KLHL1: variants seen among roughly 807,000 people sequenced by gnomAD.
KLHL1 encodes the protein kelch-like protein 1.
KLHL1 carries 47 observed loss-of-function variants against 77.7 expected under a neutral mutation model. The ratio of observed to expected loss-of-function variants is 0.60; its 90% confidence interval spans 0.48 to 0.77. The LOEUF (loss-of-function observed/expected upper bound fraction) is 0.77. Among genes scored for constraint, KLHL1 ranks in the 30% least tolerant of loss-of-function variants. The probability of loss-of-function intolerance (pLI) is 0.00; values close to 1 mark genes in which losing one functional copy is unlikely to be tolerated. For synonymous variants in KLHL1, 360 were observed against 325.2 expected, an observed-to-expected ratio of 1.11 and a Z score of -1.15; for missense variants, 925 against 910.8, an observed-to-expected ratio of 1.02 and a Z score of -0.20.
intron 6 of KLHL1, among the ~76,000 whole-genome samples, chr13:69,826,980 T>C (rs1002431496): frequency 6.6e-6 from 1 of 151,920 alleles, no homozygotes; most frequent in East Asian, 1.9e-4. Context: ...GACATTCATA[T>C]GTACATTTTT....
intron 9 of KLHL1, among the ~76,000 whole-genome samples, chr13:69,718,444 A>G (rs966835480): frequency 3.3e-5 from 5 of 152,108 alleles, no homozygotes; most frequent in Non-Finnish European, 7.4e-5. Context: ...CAGAGTGGTA[A>G]TATCATGGAT....
chr13:70,025,998 T>C (rs942338978), intron 1 of KLHL1, among the ~76,000 whole-genome samples: 4 of 152,098 alleles, frequency 2.6e-5, no homozygotes, highest in Non-Finnish European at 5.9e-5. Context: ...TCTCCTCACA[T>C]TGACCTTCCA....
intron 6 of KLHL1, among the ~76,000 whole-genome samples, chr13:69,801,927 T>C (rs1172895409): frequency 1.3e-5 from 2 of 152,176 alleles, no homozygotes; most frequent in Non-Finnish European, 2.9e-5. Context: ...GTTTATTACA[T>C]AGGTATACAT....
At chr13:69,935,498 T>C (rs1883159157) in intron 4 of KLHL1, among the ~76,000 whole-genome samples, 1 of 147,890 alleles carries the variant, frequency 6.8e-6, no homozygotes, top group South Asian at 2.1e-4. Flanking sequence ...AAAAAAGGAG[T>C]GTAAGAGAAT....
chr13:69,784,513 A>G (rs1468627754), intron 7 of KLHL1, among the ~76,000 whole-genome samples: 2 of 152,070 alleles, frequency 1.3e-5, no homozygotes, highest in East Asian at 3.9e-4. Flanking sequence ...ATGGAAAACA[A>G]AAAAAGGCAG....
At chr13:69,934,957 C>CAT (rs1491344645) in intron 4 of KLHL1, among the ~76,000 whole-genome samples, 1 of 62,952 alleles carries the variant, frequency 1.6e-5, no homozygotes, top group Non-Finnish European at 3.1e-5. Context: ...TGTGTGTGTG[C>CAT]ATGTGTATAT....
chr13:69,776,941 G>C (rs1161281079), intron 7 of KLHL1, among the ~76,000 whole-genome samples: 5 of 151,734 alleles, frequency 3.3e-5, no homozygotes, highest in Non-Finnish European at 7.4e-5. Flanking sequence ...AGGTTAGTTT[G>C]TACCTTTTGA....
chr13:69,945,915 A>G (rs1162305732), intron 3 of KLHL1, among the ~76,000 whole-genome samples: 2 of 152,224 alleles, frequency 1.3e-5, no homozygotes, highest in African/African-American at 4.8e-5. Context: ...AGAACTGGAA[A>G]GAACTAAAAT....
At chr13:69,755,936 T>A (rs1401196121) in intron 7 of KLHL1, among the ~76,000 whole-genome samples, 1 of 152,196 alleles carries the variant, frequency 6.6e-6, no homozygotes, top group Non-Finnish European at 1.5e-5. Flanking sequence ...CTTAATCTTT[T>A]TGATTCTCGC....
chr13:69,770,461 A>G (rs1875511693), intron 7 of KLHL1, among the ~76,000 whole-genome samples: 1 of 152,340 alleles, frequency 6.6e-6, no homozygotes, highest in African/African-American at 2.4e-5. Flanking sequence ...GTTTCTGGAC[A>G]GGTAAACAAT....
At chr13:69,708,736 C>T (rs1000251448) in intron 9 of KLHL1, among the ~76,000 whole-genome samples, 3 of 151,802 alleles carry the variant, frequency 2.0e-5, no homozygotes, top group African/African-American at 4.8e-5. Flanking sequence ...ATGAAGAAAC[C>T]GTACCTTTGC....
intron 7 of KLHL1, among the ~76,000 whole-genome samples, chr13:69,764,547 CA>C (rs1436530613): frequency 6.6e-6 from 1 of 151,844 alleles, no homozygotes; most frequent in Non-Finnish European, 1.5e-5. Context: ...AAAAATGGCA[CA>C]AAGAAAAAAT....
intron 1 of KLHL1, among the ~76,000 whole-genome samples, chr13:70,082,267 A>T (rs1249972427): frequency 6.6e-6 from 1 of 151,196 alleles, no homozygotes; most frequent in Non-Finnish European, 1.5e-5. Flanking sequence ...GGAATAATAT[A>T]GTCACTCTAG....
chr13:69,997,262 T>G (rs1367883249), intron 1 of KLHL1, among the ~76,000 whole-genome samples: 1 of 149,072 alleles, frequency 6.7e-6, no homozygotes, highest in Non-Finnish European at 1.5e-5. Flanking sequence ...CTTATTTTAT[T>G]CAAATTTTAT....
intron 6 of KLHL1, among the ~76,000 whole-genome samples, chr13:69,834,162 ACCAAAATCTCAGAAATCACC>A (rs1878887179): frequency 6.6e-6 from 1 of 151,984 alleles, no homozygotes; most frequent in Non-Finnish European, 1.5e-5. Flanking sequence ...TGATGGGTGC[ACCAAAATCTCAGAAATCACC>A]ACTAAAGAAC....
chr13:69,928,865 A>G (rs1244683444), intron 4 of KLHL1, among the ~76,000 whole-genome samples: 1 of 152,098 alleles, frequency 6.6e-6, no homozygotes, highest in Non-Finnish European at 1.5e-5. Context: ...AAATACTAAA[A>G]GGCATTAAAT....
intron 4 of KLHL1, among the ~76,000 whole-genome samples, chr13:69,892,083 G>A (rs1881442180): frequency 6.6e-6 from 1 of 151,948 alleles, no homozygotes; most frequent in South Asian, 2.1e-4. Flanking sequence ...TAACTTCCTG[G>A]TAGAGCCTAA....
At chr13:69,711,750 T>C (rs1279535372) in intron 9 of KLHL1, among the ~76,000 whole-genome samples, 1 of 152,118 alleles carries the variant, frequency 6.6e-6, no homozygotes, top group Non-Finnish European at 1.5e-5. Context: ...AAAGAGAGTG[T>C]ATACTTTGAA....
chr13:70,093,859 T>C (rs1887727888), intron 1 of KLHL1, among the ~76,000 whole-genome samples: 2 of 152,194 alleles, frequency 1.3e-5, no homozygotes, highest in Admixed American at 6.5e-5. Context: ...TACTGTGAAC[T>C]GTCTTATTAT....
Sources: gnomAD v4.1 joint callset for allele counts (sites outside exome capture counted in the v4.1 genomes callset) on GRCh38, gnomAD v4.1.1 for gene constraint, MANE v1.5 for transcripts, NCBI Gene and HGNC (gene_info 2026-07-23, HGNC 2026-07-21) for gene names.